Variants in PHKB observed in about 807,000 individuals in gnomAD.
PHKB encodes the protein phosphorylase b kinase regulatory subunit beta.
A neutral mutation model predicts 152.1 loss-of-function variants in PHKB; 122 were observed. The ratio of observed to expected loss-of-function variants is 0.80; its 90% CI spans 0.69 to 0.93. The LOEUF is 0.93. Ranked by LOEUF, PHKB falls within the 40% of genes least tolerant of loss-of-function variation. The probability of loss-of-function intolerance (pLI) is 0.00; values close to 1 mark genes in which losing one functional copy is unlikely to be tolerated. For missense variants in PHKB, 1,304 were observed against 1,328.4 expected (o/e 0.98, Z 0.29); for synonymous variants, 436 against 464.9 (o/e 0.94, Z 0.80).
At chr16:47,630,690 T>A (rs188026721) in intron 14 of PHKB, among the ~76,000 whole-genome samples, 1 of 152,306 alleles carries the variant, frequency 6.6e-6, no homozygotes, top group African/African-American at 2.4e-5. Flanking sequence ...TGCCCAGCTA[T>A]TTGGTCAAAC....
chr16:47,596,324 A>G lies in PHKB; in HGVS notation c.1205-49A>G, dbSNP rs1437989586. 3.1e-6 allele frequency: 4 copies of G among 1,276,566 alleles called. No homozygotes were observed. In the Admixed American group the frequency reaches 5.1e-5, roughly 16 times the overall value. 79.1% of individuals were successfully genotyped at this position (1,276,566 alleles called of 1,614,324 possible). On this transcript the variant is annotated intron_variant, in intron 12 of 30. Coordinates refer to ENST00000323584, the MANE Select transcript of PHKB (RefSeq NM_000293.3). ...ATCTTTATTAGTAGCATGAGAATGGACTAATACAGATTTGTTATATTTTAA... is the reference window on the plus strand; with the variant it reads ...ATCTTTATTAGTAGCATGAGAATGGGCTAATACAGATTTGTTATATTTTAA...
Position 47,593,340 on chromosome 16 carries a change from G to T in PHKB, c.1069-160G>T, listed in dbSNP as rs721649. Among the ~76,000 whole-genome samples, 16,404 of 151,970 alleles carry T rather than the reference G, an allele frequency of 0.11. 1,209 individuals carry two copies. Among genetic ancestry groups the T allele is most frequent in the Non-Finnish European group, 0.14 (9,718 of 67,918 alleles). ...CAGCCCTCCCACTTGGGAGGCTGAG[G>T]CAGGAAAAAGGATCCCTTGAGCCCA... is the stretch of plus-strand genomic sequence containing the variant. On this transcript the variant is annotated intron_variant, in intron 10 of 30. Transcript: ENST00000323584.
intron 1 of PHKB, among the ~76,000 whole-genome samples, chr16:47,489,587 C>G (rs1264270742): frequency 1.3e-5 from 2 of 152,214 alleles, no homozygotes; most frequent in Admixed American, 6.5e-5. Context: ...TTTGTATCCT[C>G]AAATACCCTG....
At chr16:47,642,968 G>A (rs940647634) in intron 16 of PHKB, among the ~76,000 whole-genome samples, 4 of 152,178 alleles carry the variant, frequency 2.6e-5, no homozygotes, top group African/African-American at 9.7e-5. Flanking sequence ...TTAGTATTCA[G>A]CTGCAGGCTG....
chr16:47,686,848 C>T (rs1973973945), intron 26 of PHKB, among the ~76,000 whole-genome samples: 4 of 152,282 alleles, frequency 2.6e-5, no homozygotes, highest in South Asian at 4.1e-4. Flanking sequence ...GACATTATCT[C>T]AATAATCCCA....
intron 24 of PHKB, chr16:47,664,036 G>GT (rs979740952): frequency 1.1e-5 from 4 of 370,446 alleles, no homozygotes; most frequent in Non-Finnish European, 2.0e-5. Context: ...TTTAAGTTCT[G>GT]TTTTTTAATT....
At chr16:47,532,762 G>T (rs574623844) in intron 6 of PHKB, among the ~76,000 whole-genome samples, 1 of 152,370 alleles carries the variant, frequency 6.6e-6, no homozygotes, top group South Asian at 2.1e-4. Context: ...GAGCTCCCAC[G>T]TCTGGGCTCC....
intron 25 of PHKB, among the ~76,000 whole-genome samples, chr16:47,667,175 G>A (rs1003209854): frequency 6.6e-6 from 1 of 152,070 alleles, no homozygotes; most frequent in Non-Finnish European, 1.5e-5. Flanking sequence ...GCTCACACCT[G>A]TAATCCAAAC....
intron 6 of PHKB, among the ~76,000 whole-genome samples, chr16:47,534,917 C>A (rs531627772): frequency 6.6e-6 from 1 of 152,186 alleles, no homozygotes; most frequent in African/African-American, 2.4e-5. Flanking sequence ...TTATTGAGGT[C>A]ATAAGAAATG....
At chr16:47,697,676 T>C (rs534627614) in intron 29 of PHKB, among the ~76,000 whole-genome samples, 17 of 152,324 alleles carry the variant, frequency 1.1e-4, no homozygotes, top group Admixed American at 8.5e-4. Flanking sequence ...AATTGGGAAC[T>C]ATGAGGCGTG....
chr16:47,505,740 T>C (rs1188872119), intron 4 of PHKB, among the ~76,000 whole-genome samples: 8 of 152,064 alleles, frequency 5.3e-5, no homozygotes, highest in African/African-American at 1.9e-4. Flanking sequence ...AATTTGCACT[T>C]GAAAATAATA....
At chr16:47,591,928 T>C (rs1304427119) in intron 10 of PHKB, among the ~76,000 whole-genome samples, 1 of 152,164 alleles carries the variant, frequency 6.6e-6, no homozygotes, top group Non-Finnish European at 1.5e-5. Flanking sequence ...TACTCCCTGG[T>C]TTAGGCTAGT....
At position 47,616,633 on chromosome 16, in the gene PHKB, T is replaced by A. The variant is rs975533845; in HGVS notation, c.1458+5713T>A. On this transcript the variant is annotated intron_variant, in intron 14 of 30. Coordinates refer to ENST00000323584, the MANE Select transcript of PHKB (RefSeq NM_000293.3). ...CATATAAATATCATATATTAATATA[T>A]GATATTTTACATATAAATATCATAT... is the stretch of plus-strand genomic sequence containing the variant. Among the ~76,000 whole-genome samples the A allele has an allele frequency of 2.7e-5, 4 of 145,558 alleles. No individual in the cohort carries two copies. The East Asian group carries it at 7.8e-4, about 28-fold the overall frequency.
At chr16:47,672,705 A>G (rs1427874414) in intron 26 of PHKB, among the ~76,000 whole-genome samples, 1 of 152,166 alleles carries the variant, frequency 6.6e-6, no homozygotes, top group African/African-American at 2.4e-5. Context: ...TAGGTCCTCT[A>G]CAAATCTCAT....
chr16:47,543,134 G>T (rs1971092285), intron 6 of PHKB, among the ~76,000 whole-genome samples: 2 of 152,052 alleles, frequency 1.3e-5, no homozygotes, highest in Non-Finnish European at 1.5e-5. Flanking sequence ...ATTGGCTGTG[G>T]GTTTGTCATA....
intron 1 of PHKB, among the ~76,000 whole-genome samples, chr16:47,490,552 T>G (rs572053197): frequency 2.4e-4 from 37 of 152,278 alleles, no homozygotes; most frequent in African/African-American, 8.9e-4. Flanking sequence ...TTACCTCTTT[T>G]CTGGAGGCTC....
intron 7 of PHKB, among the ~76,000 whole-genome samples, chr16:47,579,225 T>C (rs2151692036): frequency 6.6e-6 from 1 of 152,352 alleles, no homozygotes; most frequent in African/African-American, 2.4e-5. Context: ...TCTGACCTAT[T>C]TATTGTCCTG....
At chr16:47,523,299 A>G (rs1409994766) in intron 6 of PHKB, among the ~76,000 whole-genome samples, 1 of 152,160 alleles carries the variant, frequency 6.6e-6, no homozygotes, top group Non-Finnish European at 1.5e-5. Flanking sequence ...GTTGATGTTT[A>G]TATTTGTGGA....
At chr16:47,567,802 G>T (rs1158264974) in intron 7 of PHKB, among the ~76,000 whole-genome samples, 1 of 152,104 alleles carries the variant, frequency 6.6e-6, no homozygotes, top group Non-Finnish European at 1.5e-5. Context: ...ATAATCGTAT[G>T]GTTTCTGTTT....
Sources: gnomAD v4.1 joint callset for allele counts (sites outside exome capture counted in the v4.1 genomes callset) on GRCh38, gnomAD v4.1.1 for gene constraint, MANE v1.5 for transcripts, NCBI Gene and HGNC (gene_info 2026-07-23, HGNC 2026-07-21) for gene names.